Variants in TBC1D5 observed in about 807,000 individuals in gnomAD.
TBC1D5 encodes TBC1 domain family, member 5.
A neutral mutation model predicts 100.3 loss-of-function variants in TBC1D5; 75 were observed. That is an observed-to-expected ratio of 0.75 (90% CI 0.62 to 0.91). The LOEUF (loss-of-function observed/expected upper bound fraction) is 0.91, where lower values mean the gene tolerates loss of function less well. Among genes scored for constraint, TBC1D5 ranks in the 40% least tolerant of loss-of-function variants. TBC1D5 has a pLI of 0.00. For missense variants in TBC1D5, 910 were observed against 942.4 expected, an observed-to-expected ratio of 0.97 and a Z score of 0.45; for synonymous variants, 323 against 325.6, an observed-to-expected ratio of 0.99 and a Z score of 0.09.
At chr3:17,309,718 A>G (rs922703262) in intron 13 of TBC1D5, among the ~76,000 whole-genome samples, 1 of 152,074 alleles carries the variant, frequency 6.6e-6, no homozygotes, top group African/African-American at 2.4e-5. Flanking sequence ...GTACAAAAAC[A>G]TCTCTAAATT....
rs553503815 is a variant in TBC1D5 at position 17,631,973 on chromosome 3, G to C, written c.-100-8060C>G. On this transcript the variant is annotated intron_variant, in intron 1 of 21. Coordinates refer to ENST00000253692, the Ensembl canonical transcript of TBC1D5. ...GTCAAGAAGTAATTCTGACTTTCAA[G>C]TCTTATTATTTAAGAAATACACTTT... is the stretch of plus-strand genomic sequence containing the variant. Among the ~76,000 whole-genome samples the C allele has an allele frequency of 5.3e-5, 8 of 152,288 alleles. No individual in the cohort carries two copies. In the South Asian group the frequency reaches 1.7e-3, roughly 32 times the overall value.
chr3:17,692,873 T>C (rs899135473), intron 1 of TBC1D5, among the ~76,000 whole-genome samples: 1 of 152,240 alleles, frequency 6.6e-6, no homozygotes, highest in Non-Finnish European at 1.5e-5. Flanking sequence ...TTCACACTTG[T>C]AATCCCAGCA....
chr3:17,259,737 T>C (rs1197658886), intron 15 of TBC1D5, among the ~76,000 whole-genome samples: 1 of 151,740 alleles, frequency 6.6e-6, no homozygotes, highest in African/African-American at 2.4e-5. Flanking sequence ...GGGGATATAA[T>C]TGCTAAGGTT....
intron 3 of TBC1D5, among the ~76,000 whole-genome samples, chr3:17,464,929 A>T (rs192026405): frequency 2.0e-5 from 3 of 152,102 alleles, no homozygotes; most frequent in African/African-American, 7.2e-5. Context: ...GAGTGATCAT[A>T]AAGTTCACCA....
chr3:17,498,717 C>T (rs2095747163), intron 3 of TBC1D5, among the ~76,000 whole-genome samples: 1 of 152,096 alleles, frequency 6.6e-6, no homozygotes, highest in Non-Finnish European at 1.5e-5. Context: ...TGTAGTAACA[C>T]ATAATAATTT....
intron 18 of TBC1D5, among the ~76,000 whole-genome samples, chr3:17,189,810 C>T (rs1016942760): frequency 1.1e-4 from 17 of 152,310 alleles, no homozygotes; most frequent in African/African-American, 3.8e-4. Context: ...GTTTCCTTTA[C>T]CTGAGATTCA....
intron 3 of TBC1D5, among the ~76,000 whole-genome samples, chr3:17,432,345 TA>T (rs1255941886): frequency 2.0e-5 from 3 of 152,266 alleles, no homozygotes; most frequent in South Asian, 2.1e-4. Context: ...TAAAATCCTT[TA>T]AAAAAATGAT....
intron 19 of TBC1D5, among the ~76,000 whole-genome samples, chr3:17,172,602 G>C (rs1284559542): frequency 6.6e-6 from 1 of 152,084 alleles, no homozygotes; most frequent in Non-Finnish European, 1.5e-5. Flanking sequence ...GAAACTAAAG[G>C]GGAAACTGTC....
At chr3:17,688,982 G>C (rs551061285) in intron 1 of TBC1D5, among the ~76,000 whole-genome samples, 6 of 152,232 alleles carry the variant, frequency 3.9e-5, no homozygotes, top group African/African-American at 1.2e-4. Flanking sequence ...TGGGTACACA[G>C]AGAATTGTTA....
chr3:17,171,068 A>G (rs1375298033), intron 19 of TBC1D5, among the ~76,000 whole-genome samples: 1 of 152,216 alleles, frequency 6.6e-6, no homozygotes, highest in Non-Finnish European at 1.5e-5. Flanking sequence ...CCTGTGAACC[A>G]GGAAGTCCTA....
chr3:17,464,435 CT>C (rs2095268614), intron 3 of TBC1D5, among the ~76,000 whole-genome samples: 1 of 152,116 alleles, frequency 6.6e-6, no homozygotes, highest in Non-Finnish European at 1.5e-5. Flanking sequence ...TTATTCTCTC[CT>C]TTCTCCTTTA....
intron 1 of TBC1D5, among the ~76,000 whole-genome samples, chr3:17,693,430 C>T (rs1047380086): frequency 3.9e-5 from 6 of 152,248 alleles, no homozygotes; most frequent in African/African-American, 1.4e-4. Flanking sequence ...AGGAGATTCT[C>T]TCCTGTGCCT....
chr3:17,668,624 G>T (rs992031057), intron 1 of TBC1D5, among the ~76,000 whole-genome samples: 5 of 152,078 alleles, frequency 3.3e-5, no homozygotes, highest in Admixed American at 3.3e-4. Flanking sequence ...ATATGCAGGG[G>T]TTTCAAACTG....
chr3:17,338,934 G>A (rs147122530), intron 13 of TBC1D5, among the ~76,000 whole-genome samples: 3 of 152,274 alleles, frequency 2.0e-5, no homozygotes, highest in East Asian at 3.8e-4. Flanking sequence ...TGCCTTAAAG[G>A]AATACTGCCT....
chr3:17,414,534 A>G (rs896664681), intron 4 of TBC1D5, among the ~76,000 whole-genome samples: 1 of 152,244 alleles, frequency 6.6e-6, no homozygotes, highest in Admixed American at 6.5e-5. Context: ...ATTCAAATAG[A>G]ACAAGTAACA....
At chr3:17,498,050 C>T (rs1217175181) in intron 3 of TBC1D5, among the ~76,000 whole-genome samples, 2 of 151,936 alleles carry the variant, frequency 1.3e-5, no homozygotes, top group Non-Finnish European at 2.9e-5. Context: ...AAGAAAATGT[C>T]CACTTAAAAT....
At chr3:17,177,640 T>C (rs1235708675) in intron 19 of TBC1D5, among the ~76,000 whole-genome samples, 3 of 152,240 alleles carry the variant, frequency 2.0e-5, no homozygotes, top group Non-Finnish European at 4.4e-5. Flanking sequence ...CAAGGGCCAG[T>C]AACACCAAGT....
intron 2 of TBC1D5, among the ~76,000 whole-genome samples, chr3:17,581,900 A>C (rs2096700084): frequency 6.6e-6 from 1 of 152,138 alleles, no homozygotes; most frequent in South Asian, 2.1e-4. Flanking sequence ...TGTTCTGTGA[A>C]TGCATCATAA....
At chr3:17,180,266 C>G (rs1559361389) in intron 19 of TBC1D5, among the ~76,000 whole-genome samples, 1 of 152,160 alleles carries the variant, frequency 6.6e-6, no homozygotes, top group Non-Finnish European at 1.5e-5. Flanking sequence ...TTTGGCAACA[C>G]AAATGGCCTT....
Sources: allele counts gnomAD v4.1 joint callset (sites outside exome capture counted in the v4.1 genomes callset), GRCh38; gene constraint gnomAD v4.1.1; transcripts MANE v1.5; gene names NCBI Gene and HGNC (gene_info 2026-07-23, HGNC 2026-07-21).